Variants in RAD51B observed in about 807,000 individuals in gnomAD.
RAD51B encodes the protein DNA repair protein RAD51 homolog 2.
Under a neutral mutation model 42.2 loss-of-function variants are expected in RAD51B, and 38 were observed. The observed-to-expected ratio is 0.90, with a 90% confidence interval of 0.70 to 1.18. RAD51B has a LOEUF of 1.18. Among genes scored for constraint, RAD51B ranks in the 50% most tolerant of loss-of-function variants. The probability of loss-of-function intolerance (pLI) is 0.00; values close to 1 mark genes in which losing one functional copy is unlikely to be tolerated. For synonymous variants in RAD51B, 154 were observed against 145.2 expected, an observed-to-expected ratio of 1.06 and a Z score of -0.43; for missense variants, 373 against 400.7, an observed-to-expected ratio of 0.93 and a Z score of 0.59.
At chr14:68,561,338 G>A (rs1258772758) in intron 10 of RAD51B, among the ~76,000 whole-genome samples, 4 of 152,202 alleles carry the variant, frequency 2.6e-5, no homozygotes, top group African/African-American at 7.2e-5. Context: ...ATTGAGGTCT[G>A]TGGCAGAGCC....
chr14:68,290,253 C>A (rs575466539), intron 7 of RAD51B, among the ~76,000 whole-genome samples: 1 of 152,342 alleles, frequency 6.6e-6, no homozygotes, highest in African/African-American at 2.4e-5. Flanking sequence ...CTGAATTGTG[C>A]ACTAAATGCC....
At chr14:68,566,912 G>A (rs933396573) in intron 10 of RAD51B, among the ~76,000 whole-genome samples, 2 of 152,014 alleles carry the variant, frequency 1.3e-5, no homozygotes, top group African/African-American at 4.8e-5. Context: ...CCAGGCCATG[G>A]GTTTATTGCT....
intron 3 of RAD51B, among the ~76,000 whole-genome samples, chr14:67,833,969 T>C (rs1350617129): frequency 6.6e-6 from 1 of 152,256 alleles, no homozygotes; most frequent in Admixed American, 6.5e-5. Context: ...TAATTTGTTG[T>C]ATTAGTTTCC....
chr14:67,979,889 TG>T (rs1264580099), intron 7 of RAD51B, among the ~76,000 whole-genome samples: 1 of 152,196 alleles, frequency 6.6e-6, no homozygotes, highest in Non-Finnish European at 1.5e-5. Context: ...GGTGGCTGTT[TG>T]TTTAAGTCAC....
chr14:68,187,778 C>G (rs1159492036), intron 7 of RAD51B, among the ~76,000 whole-genome samples: 1 of 151,974 alleles, frequency 6.6e-6, no homozygotes, highest in African/African-American at 2.4e-5. Context: ...ATCTTTTTCT[C>G]TTAATACATT....
chr14:68,499,878 A>T (rs1392353340), intron 10 of RAD51B, among the ~76,000 whole-genome samples: 1 of 152,158 alleles, frequency 6.6e-6, no homozygotes, highest in Non-Finnish European at 1.5e-5. Flanking sequence ...AGGACTATAG[A>T]GAATACATTT....
chr14:67,879,786 G>A (rs1837183558), intron 5 of RAD51B, among the ~76,000 whole-genome samples: 1 of 152,132 alleles, frequency 6.6e-6, no homozygotes, highest in African/African-American at 2.4e-5. Context: ...GTTGAGATAT[G>A]AAGATCTGGC....
At chr14:68,040,049 A>G (rs765778627) in intron 7 of RAD51B, among the ~76,000 whole-genome samples, 19 of 152,246 alleles carry the variant, frequency 1.2e-4, no homozygotes, top group Non-Finnish European at 2.8e-4. Context: ...AAATGGCTGT[A>G]TTCAACAGAA....
chr14:68,000,219 T>C (rs1363311839), intron 7 of RAD51B: 1 of 152,162 alleles, frequency 6.6e-6, no homozygotes, highest in Non-Finnish European at 1.5e-5. Flanking sequence ...GTTGATAGTC[T>C]AAGCCGATCA....
At chr14:67,853,311 A>G (rs1357095418) in intron 4 of RAD51B, among the ~76,000 whole-genome samples, 2 of 152,152 alleles carry the variant, frequency 1.3e-5, no homozygotes, top group Non-Finnish European at 2.9e-5. Context: ...AACCTAGCCA[A>G]CCCTATCTGG....
rs1162277718 is a variant in RAD51B at position 68,411,416 on chromosome 14, C to A, written c.854-8C>A. Reference sequence around the variant, plus strand: ...ATCTGAAAGCGTGCTTTTACCATTTCATTTCAGGCACTTCTGGATCCAGCT... The same window carrying A: ...ATCTGAAAGCGTGCTTTTACCATTTAATTTCAGGCACTTCTGGATCCAGCT... On this transcript the variant is annotated splice_region_variant and splice_polypyrimidine_tract_variant and intron_variant, in intron 8 of 10. Coordinates refer to ENST00000471583, the MANE Select transcript of RAD51B (RefSeq NM_133510.4). The A allele has an allele frequency of 6.2e-7, 1 of 1,612,880 alleles. No individual in the cohort carries two copies. The highest frequency in any genetic ancestry group is 1.3e-5 in the African/African-American group (1 of 74,904).
At chr14:67,910,328 C>T (rs1335932059) in intron 7 of RAD51B, among the ~76,000 whole-genome samples, 1 of 78,204 alleles carries the variant, frequency 1.3e-5, no homozygotes, top group Non-Finnish European at 2.3e-5. Context: ...ATGGCGTGAA[C>T]CCAGGAGGCG....
At chr14:68,502,395 C>G (rs146639870) in intron 10 of RAD51B, among the ~76,000 whole-genome samples, 258 of 152,310 alleles carry the variant, frequency 1.7e-3, no homozygotes, top group African/African-American at 4.9e-3. Flanking sequence ...TCCGACTCCC[C>G]CCACGGGCCG....
At chr14:67,874,110 A>G (rs2042645120) in intron 5 of RAD51B, among the ~76,000 whole-genome samples, 1 of 150,768 alleles carries the variant, frequency 6.6e-6, no homozygotes, top group African/African-American at 2.5e-5. Flanking sequence ...AATTAATTAA[A>G]AAAATGTATT....
At chr14:68,465,940 C>CA (rs59348577) in intron 9 of RAD51B, among the ~76,000 whole-genome samples, 92 of 129,356 alleles carry the variant, frequency 7.1e-4, no homozygotes, top group South Asian at 2.0e-3. Context: ...GACTCTGTCT[C>CA]AAAAAAAAAA....
chr14:68,656,175 C>T (rs1892811473), intron 11 of RAD51B, among the ~76,000 whole-genome samples: 1 of 152,200 alleles, frequency 6.6e-6, no homozygotes, highest in African/African-American at 2.4e-5. Flanking sequence ...GATTTGAGCA[C>T]TGTCAGTGAC....
At chr14:68,049,278 G>A (rs1228615517) in intron 7 of RAD51B, among the ~76,000 whole-genome samples, 3 of 152,110 alleles carry the variant, frequency 2.0e-5, no homozygotes, top group African/African-American at 7.2e-5. Flanking sequence ...AATGGGTGTA[G>A]CACACCAACA....
At chr14:68,668,519 A>C (rs1893081596) in intron 11 of RAD51B, among the ~76,000 whole-genome samples, 1 of 152,250 alleles carries the variant, frequency 6.6e-6, no homozygotes, top group Admixed American at 6.5e-5. Context: ...CTTGTCTTTA[A>C]AAGCATCACA....
At chr14:68,191,997 T>C (rs2079277210) in intron 7 of RAD51B, among the ~76,000 whole-genome samples, 1 of 152,166 alleles carries the variant, frequency 6.6e-6, no homozygotes, top group South Asian at 2.1e-4. Flanking sequence ...TACCATCCAA[T>C]CACATTTAAA....
Sources: allele counts gnomAD v4.1 joint callset (sites outside exome capture counted in the v4.1 genomes callset), GRCh38; gene constraint gnomAD v4.1.1; transcripts MANE v1.5; gene names NCBI Gene and HGNC (gene_info 2026-07-23, HGNC 2026-07-21).